CELF2: variants seen among roughly 807,000 people sequenced by gnomAD.
The protein encoded by CELF2 is CUGBP Elav-like family member 2.
A neutral mutation model predicts 62.6 loss-of-function variants in CELF2; 8 were observed. The ratio of observed to expected loss-of-function variants is 0.13; its 90% CI spans 0.07 to 0.23. CELF2 has a LOEUF of 0.23. Ranked by LOEUF, CELF2 falls within the 10% of genes least tolerant of loss-of-function variation. CELF2 has a pLI of 1.00. For synonymous variants in CELF2, 258 were observed against 250.0 expected (o/e 1.03, Z -0.30); for missense variants, 333 against 671.0 (o/e 0.50, Z 5.56).
the CELF2 span, among the ~76,000 whole-genome samples, chr10:10,578,434 C>A: frequency 1.3e-5 from 2 of 152,076 alleles, no homozygotes; most frequent in African/African-American, 4.8e-5. Context: ...GAAGTCCTTG[C>A]CCATGCCTAT....
chr10:11,085,645 A>G (rs2046502064), intron 1 of CELF2, among the ~76,000 whole-genome samples: 1 of 152,044 alleles, frequency 6.6e-6, no homozygotes, highest in Non-Finnish European at 1.5e-5. Flanking sequence ...AAAGTTACAT[A>G]TTGGGAATGC....
At chr10:10,709,247 C>A in the CELF2 span, among the ~76,000 whole-genome samples, 6 of 152,142 alleles carry the variant, frequency 3.9e-5, no homozygotes, top group Non-Finnish European at 8.8e-5. Flanking sequence ...GATATGAGAG[C>A]AAAATGCCAA....
chr10:11,141,753 T>G (rs1472899126), intron 1 of CELF2, among the ~76,000 whole-genome samples: 3 of 152,216 alleles, frequency 2.0e-5, no homozygotes, highest in Non-Finnish European at 4.4e-5. Context: ...CAGAGAACTG[T>G]TAGACCTGGT....
At chr10:10,976,821 C>T (rs926608606) in intron 2 of CELF2, among the ~76,000 whole-genome samples, 4 of 152,154 alleles carry the variant, frequency 2.6e-5, no homozygotes, top group African/African-American at 7.2e-5. Flanking sequence ...CTCGAACTAA[C>T]TCAAAATGCC....
chr10:11,025,698 C>T (rs756072635), intron 1 of CELF2, among the ~76,000 whole-genome samples: 2 of 152,208 alleles, frequency 1.3e-5, no homozygotes, highest in Non-Finnish European at 2.9e-5. Flanking sequence ...ACGAAATGGT[C>T]TTTGGTTACA....
At chr10:10,843,464 G>A (rs981930046) in intron 1 of CELF2, among the ~76,000 whole-genome samples, 1 of 151,870 alleles carries the variant, frequency 6.6e-6, no homozygotes, top group Non-Finnish European at 1.5e-5. Context: ...TTTGCTGCAT[G>A]TCGCAAATTT....
intron 1 of CELF2, among the ~76,000 whole-genome samples, chr10:10,818,180 A>T (rs1590754172): frequency 6.6e-6 from 1 of 152,316 alleles, no homozygotes; most frequent in South Asian, 2.1e-4. Context: ...AAGAGGTACT[A>T]TATGCCACTG....
chr10:10,563,607 C>CA, the CELF2 span, among the ~76,000 whole-genome samples: 720 of 86,506 alleles, frequency 8.3e-3, 4 homozygotes, highest in Non-Finnish European at 0.01. Context: ...GACTGTGTCT[C>CA]AAAAAAAAAA....
chr10:10,642,321 C>G, the CELF2 span, among the ~76,000 whole-genome samples: 1 of 152,184 alleles, frequency 6.6e-6, no homozygotes, highest in African/African-American at 2.4e-5. Context: ...CCTTCATACT[C>G]TCTCTGAATC....
rs144039337 is a variant in CELF2, at chr10:11,253,269, A to G, written c.403+4068A>G. On this transcript the variant is annotated intron_variant, in intron 4 of 12. Transcript: ENST00000633077. ...CCTCACAATTTGCTGGGGGTCTTTA[A>G]CGCCTAGAACCCAGAAATGTCACTT... is the stretch of plus-strand genomic sequence containing the variant. 2.1e-3 allele frequency among the ~76,000 whole-genome samples: 322 copies of G among 152,256 alleles called. 1 individual carries two copies. Among genetic ancestry groups the G allele is most frequent in the African/African-American group, 7.6e-3 (315 of 41,538 alleles).
chr10:10,783,948 A>T, the CELF2 span, among the ~76,000 whole-genome samples: 2 of 152,136 alleles, frequency 1.3e-5, no homozygotes, highest in African/African-American at 4.8e-5. Context: ...AGATCGTGCC[A>T]CTGCACTCTA....
At chr10:11,263,005 T>C (rs2081179486) in intron 5 of CELF2, among the ~76,000 whole-genome samples, 1 of 147,062 alleles carries the variant, frequency 6.8e-6, no homozygotes, top group African/African-American at 2.5e-5. Flanking sequence ...TCAGTTCTCT[T>C]GCAGCTAAGA....
chr10:10,985,930 G>T lies in CELF2; in HGVS notation c.89+65931G>T, dbSNP rs577357039. 5.9e-5 allele frequency among the ~76,000 whole-genome samples: 9 copies of T among 152,288 alleles called. No individual in the cohort carries two copies. In the South Asian group the frequency reaches 1.9e-3, roughly 32 times the overall value. On this transcript the variant is annotated intron_variant, in intron 2 of 13. Transcript: ENST00000636488. ...AGGCATGTGGGCTATGTTTGTAAAAGCTGGACTCTTTTCTCATCCCTAGGA... is the reference window on the plus strand; with the variant it reads ...AGGCATGTGGGCTATGTTTGTAAAATCTGGACTCTTTTCTCATCCCTAGGA...
rs750143472 is a variant in CELF2, at chr10:11,318,179, G to C, written c.1097-3010G>C. The C allele has an allele frequency of 6.5e-6, 1 of 153,204 alleles. No individual in the cohort carries two copies. The highest frequency in any genetic ancestry group is 1.5e-5 in the Non-Finnish European group (1 of 68,922). 9.5% of individuals were successfully genotyped at this position (153,204 alleles called of 1,614,324 possible). On this transcript the variant is annotated intron_variant, in intron 10 of 12. Coordinates refer to ENST00000633077, the MANE Select transcript of CELF2 (RefSeq NM_001326342.2). This position sits in a 1 kb window ranked among gnomAD's most constrained non-coding sequence, Gnocchi z 5.4. ...CAGAAGTGGAAGGCCGCCTCTGATT[G>C]TTCTTCAAACCCTACCAGGTTTTCA...
chr10:11,018,074 G>A lies in CELF2; in HGVS notation c.-16G>A, dbSNP rs571337678. 41 of 1,444,750 alleles carry A rather than the reference G, an allele frequency of 2.8e-5. No homozygotes were observed. Among genetic ancestry groups the A allele is most frequent in the African/African-American group, 4.5e-5 (3 of 67,342 alleles). 89.5% of individuals were successfully genotyped at this position (1,444,750 alleles called of 1,614,324 possible). On this transcript the variant is annotated 5_prime_UTR_variant, in exon 1 of 13. Transcript: ENST00000633077. ...AGAGCCGCCCCCCGCCGCTGCCGCC[G>A]CGTGCGCCCGCGAACATGACTTCTG...
intron 2 of CELF2, among the ~76,000 whole-genome samples, chr10:10,967,975 A>C (rs1488201160): frequency 6.6e-6 from 1 of 152,064 alleles, no homozygotes; most frequent in East Asian, 1.9e-4. Context: ...GGGAGAAAAA[A>C]ATGTAAGTTA....
chr10:10,802,343 A>G (rs1403036157), intron 1 of CELF2, among the ~76,000 whole-genome samples: 2 of 152,084 alleles, frequency 1.3e-5, no homozygotes, highest in African/African-American at 4.8e-5. Flanking sequence ...GGTGCCACGC[A>G]CCTGTAGTCC....
intron 1 of CELF2, among the ~76,000 whole-genome samples, chr10:11,054,344 G>C (rs952723451): frequency 6.6e-6 from 1 of 152,080 alleles, no homozygotes; most frequent in Non-Finnish European, 1.5e-5. Context: ...AGGAAGAGGC[G>C]GTTGATATTT....
At chr10:10,958,865 C>A (rs925795249) in intron 2 of CELF2, among the ~76,000 whole-genome samples, 5 of 152,010 alleles carry the variant, frequency 3.3e-5, no homozygotes, top group African/African-American at 1.2e-4. Context: ...AAAAAGAAAA[C>A]AAAGAATAGG....
Sources: gnomAD v4.1 joint callset for allele counts (sites outside exome capture counted in the v4.1 genomes callset) on GRCh38, gnomAD v4.1.1 for gene constraint, Gnocchi (gnomAD v3.1) non-coding constraint, MANE v1.5 for transcripts, NCBI Gene and HGNC (gene_info 2026-07-23, HGNC 2026-07-21) for gene names.